The following KAT6A variants were observed in gnomAD, a reference collection of about 807,000 sequenced individuals.
KAT6A encodes the protein histone acetyltransferase KAT6A.
In KAT6A, 9 loss-of-function variants were observed where a neutral mutation model predicts 198.4. That is an observed-to-expected ratio of 0.05 (90% CI 0.03 to 0.08). The LOEUF is 0.08. Among genes scored for constraint, KAT6A ranks in the 10% least tolerant of loss-of-function variants. KAT6A has a pLI of 1.00. For missense variants in KAT6A, 2,077 were observed against 2,509.9 expected (o/e 0.83, Z 3.69); for synonymous variants, 890 against 883.0 (o/e 1.01, Z -0.14).
intron 2 of KAT6A, among the ~76,000 whole-genome samples, chr8:41,988,868 C>A (rs1411756829): frequency 1.3e-5 from 2 of 152,164 alleles, no homozygotes; most frequent in African/African-American, 4.8e-5. Context: ...TTATGCTAGG[C>A]ACTGTGCAGG....
intron 7 of KAT6A, among the ~76,000 whole-genome samples, chr8:41,975,327 T>A (rs1430984551): frequency 1.3e-5 from 2 of 152,080 alleles, no homozygotes; most frequent in Non-Finnish European, 2.9e-5. Flanking sequence ...CAGATGATAA[T>A]CATCTGGGTA....
Position 41,931,166 on chromosome 8 carries a change from A to G in KAT6A, c.*1039T>C. On this transcript the variant is annotated 3_prime_UTR_variant, in exon 17 of 17. Transcript: ENST00000265713. ...CAATTTAAGAAAGAACCTAAGAGGC[A>G]AATCACTGGGGACTGCTATTTGAGT... The G allele has an allele frequency of 4.5e-6, 1 of 222,568 alleles. No individual in the cohort carries two copies. Among genetic ancestry groups the G allele is most frequent in the Non-Finnish European group, 9.0e-6 (1 of 111,018 alleles). The allele number at this position is 222,568 out of a possible 1,614,324, so 13.8% of individuals were successfully genotyped here. A position where few individuals can be genotyped will look rare whatever the true frequency, so the allele number is the denominator to read the frequency against.
In KAT6A at chr8:41,946,696, A is replaced by T. The variant is rs770032945; in HGVS notation, c.1903-12T>A. The T allele has an allele frequency of 3.2e-5, 48 of 1,492,330 alleles. No homozygotes were observed. Among genetic ancestry groups the T allele is most frequent in the Non-Finnish European group, 4.4e-5 (47 of 1,070,134 alleles). 92.4% of individuals were successfully genotyped at this position (1,492,330 alleles called of 1,614,324 possible). ...TGGCAGTGCTTTTCCTGGTGGAGAA[A>T]ACACAAGTCAAGTTTGAAAACAGGC... On this transcript the variant is annotated splice_polypyrimidine_tract_variant and intron_variant, in intron 11 of 16. Transcript: ENST00000265713.
At chr8:42,037,532 A>G (rs1424116259) in intron 2 of KAT6A, among the ~76,000 whole-genome samples, 1 of 152,162 alleles carries the variant, frequency 6.6e-6, no homozygotes, top group African/African-American at 2.4e-5. Context: ...AAAAACCAAC[A>G]CTTAGCAGCT....
At chr8:42,028,953 A>T (rs1201623096) in intron 2 of KAT6A, among the ~76,000 whole-genome samples, 2 of 152,084 alleles carry the variant, frequency 1.3e-5, no homozygotes, top group African/African-American at 4.8e-5. Context: ...TCAGATTTAG[A>T]ACTCCCTTAA....
Position 41,949,307 on chromosome 8 carries a change from A to C in KAT6A, c.1655T>G (p.Ile552Ser). Residue 552 changes from isoleucine (I) to serine (S), a missense_variant, in exon 10 of 17, where the codon ATT becomes AGT. Ile to Ser is a moderately radical substitution (Grantham distance 142). This residue lies in a region of KAT6A where 46 missense variants were observed against 88.2 expected (regional missense o/e 0.52). Coordinates refer to ENST00000265713, the MANE Select transcript of KAT6A (RefSeq NM_006766.5). Reference protein sequence around the residue: ...FCLKYMKSRTILQQHMKKCGW... With the variant: ...FCLKYMKSRTSLQQHMKKCGW... ...ACATTTCTTCATGTGCTGCTGCAGA[A>C]TAGTTCTACTTTTCATATATTTTAG... The C allele has an allele frequency of 6.3e-7, 1 of 1,578,340 alleles. No homozygotes were observed. The highest frequency in any genetic ancestry group is 1.2e-5 in the South Asian group (1 of 83,926).
At chr8:42,050,142 T>C (rs1042265997) in intron 1 of KAT6A, among the ~76,000 whole-genome samples, 1 of 152,022 alleles carries the variant, frequency 6.6e-6, no homozygotes, top group Non-Finnish European at 1.5e-5. Context: ...AAACGGACGG[T>C]ACAGAAAAAG....
intron 6 of KAT6A, among the ~76,000 whole-genome samples, chr8:41,978,243 CA>C (rs1005955419): frequency 6.6e-6 from 1 of 152,210 alleles, no homozygotes; most frequent in Non-Finnish European, 1.5e-5. Flanking sequence ...AGGAGAGTGA[CA>C]TGTGAAATGT....
Position 41,933,809 on chromosome 8 carries a change from C to T in KAT6A, c.4411G>A (p.Val1471Ile). The T allele has an allele frequency of 6.2e-7, 1 of 1,614,094 alleles. No homozygotes were observed. ...TGTTCTGACGCATGACAGTCTTCAA[C>T]CATGGACATCTGAGGGTCCTCGTCA... is the stretch of plus-strand genomic sequence containing the variant. ...QADEDPQMSM[V>I]EDCHASEHNS... The change falls in exon 17 of 17, where the codon GTT becomes ATT. Residue 1471 changes from valine (V) to isoleucine (I), a missense_variant. Physicochemically the swap from Val to Ile is conservative, Grantham distance 29. This residue lies in a region of KAT6A where 178 missense variants were observed against 220.8 expected (regional missense o/e 0.81). Coordinates refer to ENST00000265713, the MANE Select transcript of KAT6A (RefSeq NM_006766.5). The surrounding 1 kb of genome is among the most constrained non-coding windows in gnomAD (Gnocchi z 6.2).
intron 2 of KAT6A, among the ~76,000 whole-genome samples, chr8:42,005,501 A>T (rs1007195597): frequency 6.6e-6 from 1 of 152,202 alleles, no homozygotes; most frequent in Non-Finnish European, 1.5e-5. Flanking sequence ...ACACAATAAG[A>T]GATCAGGAAA....
intron 2 of KAT6A, among the ~76,000 whole-genome samples, chr8:42,035,181 TA>T (rs1827309868): frequency 1.3e-5 from 2 of 152,116 alleles, no homozygotes; most frequent in Non-Finnish European, 2.9e-5. Flanking sequence ...TGGGATGGAA[TA>T]GAACTGAATC....
At chr8:41,976,963 A>G (rs759200127) in intron 7 of KAT6A, 45 bp downstream of exon 7, 4 of 1,401,844 alleles carry the variant, frequency 2.9e-6, no homozygotes, top group Non-Finnish European at 2.9e-6. Flanking sequence ...CGAATAATAC[A>G]TGTACAGAAT....
chr8:41,961,898 T>G (rs886342172), intron 8 of KAT6A, among the ~76,000 whole-genome samples: 12 of 152,142 alleles, frequency 7.9e-5, no homozygotes, highest in African/African-American at 2.9e-4. Context: ...CATTCTTTCT[T>G]GAAACCACTC....
Position 41,933,237 on chromosome 8 carries a change from C to A in KAT6A, c.4983G>T (p.Pro1661=). Residue 1661 remains proline (P), a synonymous_variant, in exon 17 of 17, where the codon CCG becomes CCT. Transcript: ENST00000265713. The surrounding 1 kb of genome is among the most constrained non-coding windows in gnomAD (Gnocchi z 6.2). The part of the protein sequence containing the change: ...PPPPPPQQPQ[P]PPPQPQPAPQ... The stretch of plus-strand genomic sequence containing the variant: ...GTGCTGGTTGTGGTTGTGGCGGCGG[C>A]GGCTGTGGCTGCTGTGGAGGCGGTG... 1 of 1,550,156 alleles carries A rather than the reference C, an allele frequency of 6.5e-7. No homozygotes were observed.
chr8:42,039,658 T>G lies in KAT6A; in HGVS notation c.600+8720A>C, dbSNP rs977195164. 2.6e-5 allele frequency among the ~76,000 whole-genome samples: 4 copies of G among 152,330 alleles called. No homozygotes were observed. The East Asian group carries it at 7.7e-4, about 29-fold the overall frequency. On this transcript the variant is annotated intron_variant, in intron 2 of 16. Coordinates refer to ENST00000265713, the MANE Select transcript of KAT6A (RefSeq NM_006766.5). Reference sequence around the variant, plus strand: ...GCAGCAAGGGTAAAAAGAAATTTAATGTATTTTGCATTTCCTTATATTCAT... The same window carrying G: ...GCAGCAAGGGTAAAAAGAAATTTAAGGTATTTTGCATTTCCTTATATTCAT...
At chr8:41,989,690 G>C (rs1235502579) in intron 2 of KAT6A, among the ~76,000 whole-genome samples, 1 of 152,172 alleles carries the variant, frequency 6.6e-6, no homozygotes, top group Non-Finnish European at 1.5e-5. Flanking sequence ...TAAAAATCTA[G>C]AAGTCATATA....
chr8:42,029,001 C>T (rs1443672004), intron 2 of KAT6A, among the ~76,000 whole-genome samples: 1 of 152,128 alleles, frequency 6.6e-6, no homozygotes, highest in African/African-American at 2.4e-5. Flanking sequence ...GATAAATTCC[C>T]TTGATTTTTT....
In KAT6A at chr8:41,932,695, G is replaced by T; in HGVS notation, c.5525C>A (p.Thr1842Lys). The change falls in exon 17 of 17, where the codon ACG (threonine) becomes AAG (lysine). Residue 1842 changes from threonine to lysine, a missense_variant. This residue lies in a region of KAT6A where 500 missense variants were observed against 577.2 expected (regional missense o/e 0.87). Transcript: ENST00000265713. Reference sequence around the variant, plus strand: ...TGGCATTTGCCCTTGCAATCTCTGCGTGTGAGGAATGCCAATGTTGGTGGC... The same window carrying T: ...TGGCATTTGCCCTTGCAATCTCTGCTTGTGAGGAATGCCAATGTTGGTGGC... ...MSATNIGIPH[T>K]QRLQGQMPVK... 6.2e-7 allele frequency: 1 copy of T among 1,614,258 alleles called. No homozygotes were observed. The highest frequency in any genetic ancestry group is 1.1e-5 in the South Asian group (1 of 91,090).
At chr8:42,009,384 G>T (rs1825900308) in intron 2 of KAT6A, among the ~76,000 whole-genome samples, 1 of 151,060 alleles carries the variant, frequency 6.6e-6, no homozygotes, top group African/African-American at 2.4e-5. Context: ...CTGGATTCTT[G>T]CTGAACAACC....
Sources: gnomAD v4.1 joint callset for allele counts (sites outside exome capture counted in the v4.1 genomes callset) on GRCh38, gnomAD v4.1.1 for gene constraint, gnomAD v4.1.1 regional missense constraint, Gnocchi (gnomAD v3.1) non-coding constraint, MANE v1.5 for transcripts, NCBI Gene and HGNC (gene_info 2026-07-23, HGNC 2026-07-21) for gene names.